ZNF81: variants seen among roughly 807,000 people sequenced by gnomAD.
ZNF81 encodes the protein zinc finger protein 81 (HFZ20).
A neutral mutation model predicts 32.3 loss-of-function variants in ZNF81; 5 were observed. That is an observed-to-expected ratio of 0.15 (90% CI 0.08 to 0.33). The LOEUF is 0.33. ZNF81 is among the 10% of genes least tolerant of loss of function. The pLI is 1.00. For missense variants in ZNF81, 379 were observed against 479.8 expected (o/e 0.79, Z 1.96); for synonymous variants, 163 against 166.8 (o/e 0.98, Z 0.17).
In ZNF81 at chrX:47,886,564, A is replaced by G. The variant is rs149557012; in HGVS notation, c.55-1435A>G. Among the ~76,000 whole-genome samples, 191 of 108,616 alleles carry G rather than the reference A, an allele frequency of 1.8e-3. 1 individual carries two copies. The highest frequency in any genetic ancestry group is 6.4e-3 in the African/African-American group (190 of 29,778). 94.3% of individuals were successfully genotyped at this position (108,616 alleles called of 115,157 possible). On this transcript the variant is annotated intron_variant, in intron 2 of 4. Transcript: ENST00000338637. ...AACTCCCCTTCAATTCTTCAAGTCA[A>G]TAACACTGGTGGTTTTCTTTTCTTT...
chrX:47,858,314 G>A (rs2058525362), intron 2 of ZNF81, among the ~76,000 whole-genome samples: 1 of 111,917 alleles, frequency 8.9e-6, no homozygotes, highest in African/African-American at 3.3e-5. Flanking sequence ...TCACCCTAGG[G>A]ATTGTCACTG....
chrX:47,892,892 G>A (rs2058667249), intron 3 of ZNF81, among the ~76,000 whole-genome samples: 2 of 112,387 alleles, frequency 1.8e-5, no homozygotes, highest in African/African-American at 6.5e-5. Flanking sequence ...GGTGAGCATA[G>A]GCTCTTAAGG....
At chrX:47,856,946 G>A (rs782037064) in intron 2 of ZNF81, among the ~76,000 whole-genome samples, 11 of 110,134 alleles carry the variant, frequency 1.0e-4, no homozygotes, top group African/African-American at 3.3e-4. Context: ...ACTCCTTCTC[G>A]AAAAAAGAAA....
chrX:47,900,195 T>G (rs2058693641), intron 4 of ZNF81, among the ~76,000 whole-genome samples: 1 of 111,581 alleles, frequency 9.0e-6, no homozygotes, highest in Non-Finnish European at 1.9e-5. Context: ...CTACCAAATG[T>G]TAAGATTTAC....
Position 47,887,982 on chromosome X carries a change from A to G in ZNF81, c.55-17A>G, listed in dbSNP as rs1556886002. On this transcript the variant is annotated splice_polypyrimidine_tract_variant and intron_variant, in intron 2 of 4. Transcript: ENST00000338637. ...AGTGCTGATCATGTTGCCTTGAACA[A>G]GATTGTGTTGTTACAGGTATCAGTG... 9.9e-6 allele frequency: 12 copies of G among 1,211,406 alleles called. No individual in the cohort carries two copies. The highest frequency in any genetic ancestry group is 1.3e-5 in the Non-Finnish European group (12 of 895,334).
At chrX:47,897,227 G>A (rs1208819696) in intron 4 of ZNF81, among the ~76,000 whole-genome samples, 1 of 111,885 alleles carries the variant, frequency 8.9e-6, no homozygotes, top group African/African-American at 3.3e-5. Context: ...CTACATCCTC[G>A]TCAACACTTG....
chrX:47,871,635 A>G (rs1423535812), intron 2 of ZNF81, among the ~76,000 whole-genome samples: 11 of 112,175 alleles, frequency 9.8e-5, no homozygotes, highest in Non-Finnish European at 1.5e-4. Flanking sequence ...TGAAGATTGC[A>G]TCTTCCAAGC....
rs2058786127 is a variant in ZNF81 at position 47,924,726 on chromosome X, A to C, written c.*8094A>C. ...ATTTGCTCAGATTTATTTACATTCC[A>C]GGATAGTAAAGATAGAGAATGTCTC... On this transcript the variant is annotated 3_prime_UTR_variant, in exon 5 of 5. Coordinates refer to ENST00000338637, the MANE Select transcript of ZNF81 (RefSeq NM_007137.5). Among the ~76,000 whole-genome samples, 1 of 111,590 alleles carries C rather than the reference A, an allele frequency of 9.0e-6. No homozygotes were observed. Among genetic ancestry groups the C allele is most frequent in the African/African-American group, 3.2e-5 (1 of 30,778 alleles).
At chrX:47,860,734 T>A (rs2058536823) in intron 2 of ZNF81, 1 of 111,199 alleles carries the variant, frequency 9.0e-6, no homozygotes, top group Non-Finnish European at 1.9e-5. Flanking sequence ...CCTGTTGAAG[T>A]CTGCAAAAGA....
chrX:47,914,191 T>A (rs1479344254), intron 4 of ZNF81, among the ~76,000 whole-genome samples: 1 of 111,823 alleles, frequency 8.9e-6, no homozygotes, highest in East Asian at 2.8e-4. Flanking sequence ...ACTAGACTGC[T>A]TATGTTGAAT....
intron 3 of ZNF81, among the ~76,000 whole-genome samples, chrX:47,890,123 C>T (rs960272279): frequency 6.3e-5 from 7 of 111,867 alleles, no homozygotes; most frequent in Non-Finnish European, 1.3e-4. Context: ...TTACTACCCA[C>T]TTTGGGGTAC....
chrX:47,877,561 C>T (rs376106137), intron 2 of ZNF81, among the ~76,000 whole-genome samples: 25 of 111,571 alleles, frequency 2.2e-4, no homozygotes, highest in African/African-American at 6.5e-4. Context: ...CTGTATCGGG[C>T]GGCAAGATCA....
At chrX:47,861,526 G>T (rs1556882559) in intron 2 of ZNF81, among the ~76,000 whole-genome samples, 2 of 111,544 alleles carry the variant, frequency 1.8e-5, no homozygotes, top group Non-Finnish European at 3.8e-5. Context: ...TCTGTCAGAG[G>T]CTAGGGCCAA....
intron 4 of ZNF81, among the ~76,000 whole-genome samples, chrX:47,911,826 G>A (rs782180922): frequency 1.8e-5 from 2 of 111,813 alleles, no homozygotes; most frequent in South Asian, 7.4e-4. Context: ...AGTTTTCTAA[G>A]TAAAAATTCT....
chrX:47,852,156 A>G (rs1285495384), intron 2 of ZNF81, among the ~76,000 whole-genome samples: 1 of 112,646 alleles, frequency 8.9e-6, no homozygotes, highest in Non-Finnish European at 1.9e-5. Flanking sequence ...AACAGTGTAT[A>G]TACCTTAATT....
At chrX:47,840,705 T>C (rs2058445481) in intron 1 of ZNF81, among the ~76,000 whole-genome samples, 1 of 110,523 alleles carries the variant, frequency 9.0e-6, no homozygotes, top group Non-Finnish European at 1.9e-5. Flanking sequence ...ACGGGGTTTC[T>C]CCATGTTGGT....
chrX:47,853,143 C>A (rs2058502190), intron 2 of ZNF81, among the ~76,000 whole-genome samples: 1 of 110,820 alleles, frequency 9.0e-6, no homozygotes, highest in Non-Finnish European at 1.9e-5. Flanking sequence ...ATGCTGTAAA[C>A]AGATGTGCTG....
intron 2 of ZNF81, among the ~76,000 whole-genome samples, chrX:47,882,800 C>G (rs1306045909): frequency 8.9e-6 from 1 of 112,330 alleles, no homozygotes; most frequent in Non-Finnish European, 1.9e-5. Context: ...AAACCAGCCT[C>G]GCCAACATGG....
At chrX:47,879,030 C>G (rs1374103021) in intron 2 of ZNF81, among the ~76,000 whole-genome samples, 1 of 111,621 alleles carries the variant, frequency 9.0e-6, no homozygotes. Flanking sequence ...CATTGGGTCA[C>G]TCTAACCTTC....
Sources: allele counts gnomAD v4.1 joint callset (sites outside exome capture counted in the v4.1 genomes callset), GRCh38; gene constraint gnomAD v4.1.1; transcripts MANE v1.5; gene names NCBI Gene and HGNC (gene_info 2026-07-23, HGNC 2026-07-21).